CDH18: variants seen among roughly 807,000 people sequenced by gnomAD.
CDH18 encodes the protein cadherin 18, also known as cadherin-18.
A neutral mutation model predicts 67.9 loss-of-function variants in CDH18; 31 were observed. The ratio of observed to expected loss-of-function variants is 0.46; its 90% confidence interval spans 0.34 to 0.62. The LOEUF is 0.62. Ranked by LOEUF, CDH18 falls within the 20% of genes least tolerant of loss-of-function variation. The pLI is 0.01. For missense variants in CDH18, 890 were observed against 975.5 expected (o/e 0.91, Z 1.17); for synonymous variants, 362 against 347.2 (o/e 1.04, Z -0.48).
At chr5:19,738,620 T>C (rs560510127) in intron 4 of CDH18, among the ~76,000 whole-genome samples, 1 of 152,326 alleles carries the variant, frequency 6.6e-6, no homozygotes, top group African/African-American at 2.4e-5. Context: ...ATGTATCTTC[T>C]AGTTAAGTAT....
intron 9 of CDH18, among the ~76,000 whole-genome samples, chr5:19,539,882 G>A (rs1749976523): frequency 1.3e-5 from 2 of 152,184 alleles, no homozygotes; most frequent in African/African-American, 4.8e-5. Flanking sequence ...GGGACACACA[G>A]CCAAACCATA....
At chr5:19,505,515 T>A (rs1640965273) in intron 10 of CDH18, among the ~76,000 whole-genome samples, 3 of 152,012 alleles carry the variant, frequency 2.0e-5, no homozygotes, top group African/African-American at 7.2e-5. Flanking sequence ...TTATTGAGAG[T>A]TTTTAGCATG....
intron 2 of CDH18, among the ~76,000 whole-genome samples, chr5:20,212,272 G>C (rs762556827): frequency 9.9e-5 from 15 of 152,084 alleles, no homozygotes; most frequent in Admixed American, 2.0e-4. Context: ...AGAAATATGG[G>C]ACTATGTGAA....
chr5:20,187,821 T>G (rs1738220334), intron 2 of CDH18, among the ~76,000 whole-genome samples: 3 of 151,930 alleles, frequency 2.0e-5, no homozygotes, highest in East Asian at 3.9e-4. Flanking sequence ...TCTGCACATA[T>G]TAGGGTAGAT....
chr5:20,098,792 A>G (rs1047727981), intron 2 of CDH18, among the ~76,000 whole-genome samples: 11 of 152,134 alleles, frequency 7.2e-5, no homozygotes, highest in Non-Finnish European at 1.6e-4. Context: ...AGAACTAAAG[A>G]ACATTTATTG....
At chr5:20,393,017 A>C (rs138593205) in intron 1 of CDH18, among the ~76,000 whole-genome samples, 2 of 151,926 alleles carry the variant, frequency 1.3e-5, no homozygotes, top group Non-Finnish European at 2.9e-5. Context: ...ATTATCCAGA[A>C]TGATATTCAT....
intron 5 of CDH18, among the ~76,000 whole-genome samples, chr5:19,617,368 T>C (rs146339529): frequency 8.3e-4 from 126 of 152,346 alleles, no homozygotes; most frequent in Non-Finnish European, 1.6e-3. Flanking sequence ...TTCTGTCATG[T>C]ATCCATGTAT....
chr5:19,771,800 G>T (rs1432370754), intron 3 of CDH18, among the ~76,000 whole-genome samples: 1 of 152,150 alleles, frequency 6.6e-6, no homozygotes, highest in Non-Finnish European at 1.5e-5. Context: ...ACGAAACTAA[G>T]CTGTAGTTAG....
At chr5:19,479,842 A>G (rs543607876) in intron 12 of CDH18, among the ~76,000 whole-genome samples, 1 of 152,320 alleles carries the variant, frequency 6.6e-6, no homozygotes, top group African/African-American at 2.4e-5. Flanking sequence ...AAAATGAAAA[A>G]GTAAACATAT....
intron 1 of CDH18, among the ~76,000 whole-genome samples, chr5:19,986,029 G>C (rs1390361756): frequency 6.6e-6 from 1 of 152,142 alleles, no homozygotes; most frequent in African/African-American, 2.4e-5. Flanking sequence ...CATGTGGTTT[G>C]TATTCATCAG....
intron 8 of CDH18, among the ~76,000 whole-genome samples, chr5:19,554,745 T>C (rs892525497): frequency 1.3e-5 from 2 of 152,176 alleles, no homozygotes; most frequent in Admixed American, 6.5e-5. Context: ...GATGGTGACA[T>C]TAGGCTGTTA....
chr5:20,322,961 A>G (rs1447145780), intron 1 of CDH18, among the ~76,000 whole-genome samples: 3 of 152,140 alleles, frequency 2.0e-5, no homozygotes, highest in African/African-American at 7.2e-5. Flanking sequence ...AAAAATCTAG[A>G]TAGAATATCC....
intron 4 of CDH18, among the ~76,000 whole-genome samples, chr5:19,735,420 G>A (rs1470467925): frequency 2.0e-5 from 3 of 147,700 alleles, no homozygotes; most frequent in South Asian, 2.1e-4. Context: ...TTTTTGAGAC[G>A]GAGTCTCGCT....
intron 5 of CDH18, among the ~76,000 whole-genome samples, chr5:19,698,912 G>A (rs1255614842): frequency 6.6e-6 from 1 of 152,014 alleles, no homozygotes; most frequent in African/African-American, 2.4e-5. Flanking sequence ...ATAATTTCTT[G>A]CATAAGTATT....
intron 2 of CDH18, among the ~76,000 whole-genome samples, chr5:20,100,108 A>G (rs1473764011): frequency 6.6e-6 from 1 of 152,094 alleles, no homozygotes; most frequent in African/African-American, 2.4e-5. Context: ...TATCAGTTTT[A>G]ATTATGGAGA....
intron 3 of CDH18, among the ~76,000 whole-genome samples, chr5:19,748,899 C>G (rs887211510): frequency 6.6e-6 from 1 of 151,996 alleles, no homozygotes; most frequent in Non-Finnish European, 1.5e-5. Flanking sequence ...ACAGGAATCA[C>G]AGAGTAAGAT....
intron 1 of CDH18, among the ~76,000 whole-genome samples, chr5:20,280,967 A>T (rs951764494): frequency 2.6e-5 from 4 of 152,172 alleles, no homozygotes; most frequent in African/African-American, 9.7e-5. Flanking sequence ...AGTGATGATG[A>T]GCATTTTTTC....
chr5:20,189,390 C>T (rs953688918), intron 2 of CDH18, among the ~76,000 whole-genome samples: 6 of 152,072 alleles, frequency 3.9e-5, no homozygotes, highest in Admixed American at 2.0e-4. Flanking sequence ...TGCATTTCCC[C>T]TAGCTTGGAA....
chr5:20,128,915 C>G (rs1319982197), intron 2 of CDH18, among the ~76,000 whole-genome samples: 5 of 151,950 alleles, frequency 3.3e-5, no homozygotes, highest in African/African-American at 9.7e-5. Flanking sequence ...CTTATGAACT[C>G]TTTGTTTAGA....
Sources: allele counts gnomAD v4.1 joint callset (sites outside exome capture counted in the v4.1 genomes callset), GRCh38; gene constraint gnomAD v4.1.1; transcripts MANE v1.5; gene names NCBI Gene and HGNC (gene_info 2026-07-23, HGNC 2026-07-21).